The following ZRANB3 variants were observed in gnomAD, a reference collection of about 807,000 sequenced individuals.
ZRANB3 encodes the protein DNA annealing helicase and endonuclease ZRANB3.
ZRANB3 carries 125 observed loss-of-function variants against 133.8 expected under a neutral mutation model. That is an observed-to-expected ratio of 0.93 (90% CI 0.81 to 1.08). The LOEUF is 1.08. ZRANB3 is among the 50% of genes least tolerant of loss of function. The pLI, the probability that ZRANB3 is intolerant of heterozygous loss-of-function variation, is 0.00. For missense variants in ZRANB3, 1,229 were observed against 1,275.5 expected (o/e 0.96, Z 0.56); for synonymous variants, 387 against 432.7 (o/e 0.89, Z 1.31).
At chr2:135,512,962 ATCT>A (rs761188593) in intron 1 of ZRANB3, among the ~76,000 whole-genome samples, 48 of 152,194 alleles carry the variant, frequency 3.2e-4, no homozygotes, top group Admixed American at 8.5e-4. Flanking sequence ...CAATAAACAA[ATCT>A]GACCCATTTG....
At chr2:135,271,356 C>G (rs1680506651) in intron 10 of ZRANB3, 1 of 471,904 alleles carries the variant, frequency 2.1e-6, no homozygotes, top group Non-Finnish European at 4.4e-6. Context: ...AGTCCTGAGA[C>G]AAGAGTTCTT....
chr2:135,358,577 C>T (rs534743985), intron 3 of ZRANB3, among the ~76,000 whole-genome samples: 7 of 152,056 alleles, frequency 4.6e-5, no homozygotes, highest in East Asian at 1.9e-4. Context: ...TAAAAAAATA[C>T]GACTGCCATT....
At chr2:135,352,395 A>C (rs1685248513) in intron 4 of ZRANB3, among the ~76,000 whole-genome samples, 1 of 151,992 alleles carries the variant, frequency 6.6e-6, no homozygotes, top group Non-Finnish European at 1.5e-5. Flanking sequence ...GATGATGGTT[A>C]TGGAGGCCTT....
chr2:135,287,890 T>C (rs1052073218), intron 8 of ZRANB3, among the ~76,000 whole-genome samples: 3 of 152,150 alleles, frequency 2.0e-5, no homozygotes, highest in Admixed American at 1.3e-4. Flanking sequence ...CCATGACAGT[T>C]TGACTTTCTC....
chr2:135,314,917 T>C (rs750473158), intron 7 of ZRANB3, among the ~76,000 whole-genome samples: 2 of 151,880 alleles, frequency 1.3e-5, no homozygotes, highest in Non-Finnish European at 2.9e-5. Context: ...ACTCAACTAA[T>C]TTTTGTATTT....
intron 1 of ZRANB3, among the ~76,000 whole-genome samples, chr2:135,524,856 G>A (rs1025999208): frequency 6.6e-6 from 1 of 151,888 alleles, no homozygotes; most frequent in Non-Finnish European, 1.5e-5. Flanking sequence ...ATGGTATTGG[G>A]TTTAGCCTAA....
intron 2 of ZRANB3, among the ~76,000 whole-genome samples, chr2:135,461,034 T>C (rs1690741669): frequency 6.6e-6 from 1 of 152,180 alleles, no homozygotes; most frequent in African/African-American, 2.4e-5. Context: ...ATTACACATC[T>C]GTAAATATAA....
chr2:135,524,086 C>T (rs1409580002), intron 1 of ZRANB3, among the ~76,000 whole-genome samples: 1 of 151,730 alleles, frequency 6.6e-6, no homozygotes, highest in Non-Finnish European at 1.5e-5. Context: ...TGGTCGAATT[C>T]TTTTTTCTTT....
At chr2:135,403,819 G>A (rs942962050) in intron 2 of ZRANB3, among the ~76,000 whole-genome samples, 11 of 152,184 alleles carry the variant, frequency 7.2e-5, no homozygotes, top group Non-Finnish European at 1.2e-4. Flanking sequence ...TGCAGCCTCC[G>A]CTGCTGATGC....
chr2:135,491,657 G>T (rs1409459904), intron 2 of ZRANB3, among the ~76,000 whole-genome samples: 1 of 152,120 alleles, frequency 6.6e-6, no homozygotes, highest in African/African-American at 2.4e-5. Flanking sequence ...GGGATTACAG[G>T]TGCATGCCAC....
chr2:135,477,925 G>A (rs902805941), intron 2 of ZRANB3, among the ~76,000 whole-genome samples: 2 of 151,996 alleles, frequency 1.3e-5, no homozygotes, highest in African/African-American at 4.8e-5. Context: ...AGAGGTGAAG[G>A]TTGCATTGAG....
At chr2:135,240,094 T>C (rs1695486053) in intron 12 of ZRANB3, among the ~76,000 whole-genome samples, 1 of 151,934 alleles carries the variant, frequency 6.6e-6, no homozygotes, top group South Asian at 2.1e-4. Flanking sequence ...TGTAGTCCAG[T>C]ACATTGGGAA....
In ZRANB3 at chr2:135,493,276, T is replaced by C. The variant is rs142695303; in HGVS notation, c.161+11053A>G. Among the ~76,000 whole-genome samples the C allele has an allele frequency of 2.4e-3, 352 of 149,012 alleles. 11 individuals are homozygous for C. The East Asian group carries it at 0.063, about 27-fold the overall frequency. On this transcript the variant is annotated intron_variant, in intron 2 of 20. Coordinates refer to ENST00000264159, the MANE Select transcript of ZRANB3 (RefSeq NM_032143.4). ...GTTCAAATATAAAAAGCACTAACTATAAAAGGAAAACTTGATGAAGTTAAT... is the reference window on the plus strand; with the variant it reads ...GTTCAAATATAAAAAGCACTAACTACAAAAGGAAAACTTGATGAAGTTAAT...
chr2:135,469,955 T>G (rs1691180401), intron 2 of ZRANB3, among the ~76,000 whole-genome samples: 1 of 146,528 alleles, frequency 6.8e-6, no homozygotes, highest in South Asian at 2.1e-4. Context: ...GAGCTTGCAG[T>G]GAGCTGAGAT....
chr2:135,330,210 T>C (rs1684067749), intron 6 of ZRANB3, among the ~76,000 whole-genome samples: 1 of 152,170 alleles, frequency 6.6e-6, no homozygotes, highest in Non-Finnish European at 1.5e-5. Flanking sequence ...ATAGCTCTTA[T>C]TATTTTGAGA....
At chr2:135,413,750 G>A (rs544121816) in intron 2 of ZRANB3, among the ~76,000 whole-genome samples, 2 of 152,234 alleles carry the variant, frequency 1.3e-5, no homozygotes, top group Admixed American at 6.5e-5. Flanking sequence ...TTTTGTATCT[G>A]TGGATTAAAC....
intron 8 of ZRANB3, among the ~76,000 whole-genome samples, chr2:135,279,630 C>T (rs1681003496): frequency 6.6e-6 from 1 of 152,172 alleles, no homozygotes; most frequent in East Asian, 1.9e-4. Flanking sequence ...TCCCCCTCCT[C>T]TTCCCAAGTG....
At chr2:135,424,785 A>T (rs6748130) in intron 2 of ZRANB3, among the ~76,000 whole-genome samples, 15,869 of 152,272 alleles carry the variant, frequency 0.1, 1,093 homozygotes, top group South Asian at 0.32. Context: ...ATTAGTTTCT[A>T]TATTCAATGG....
At chr2:135,474,535 CCT>C (rs1691419387) in intron 2 of ZRANB3, among the ~76,000 whole-genome samples, 2 of 152,142 alleles carry the variant, frequency 1.3e-5, no homozygotes, top group South Asian at 2.1e-4. Flanking sequence ...GCTGGCGCCT[CCT>C]CTCTCTCTTG....
Sources: allele counts gnomAD v4.1 joint callset (sites outside exome capture counted in the v4.1 genomes callset), GRCh38; gene constraint gnomAD v4.1.1; transcripts MANE v1.5; gene names NCBI Gene and HGNC (gene_info 2026-07-23, HGNC 2026-07-21).